NEK11: variants seen among roughly 807,000 people sequenced by gnomAD.
The protein encoded by NEK11 is NIMA related kinase 11, also known as serine/threonine-protein kinase Nek11.
Under a neutral mutation model 80.7 loss-of-function variants are expected in NEK11, and 72 were observed. That is an observed-to-expected ratio of 0.89 (90% CI 0.74 to 1.08). The LOEUF (loss-of-function observed/expected upper bound fraction) is 1.08, where lower values mean the gene tolerates loss of function less well. NEK11 is among the 50% of genes least tolerant of loss of function. NEK11 has a pLI of 0.00. For synonymous variants in NEK11, 251 were observed against 260.7 expected, an observed-to-expected ratio of 0.96 and a Z score of 0.36; for missense variants, 764 against 763.6, an observed-to-expected ratio of 1.00 and a Z score of -0.01.
chr3:131,127,709 C>A (rs2083603137), intron 5 of NEK11, among the ~76,000 whole-genome samples: 1 of 140,796 alleles, frequency 7.1e-6, no homozygotes, highest in Non-Finnish European at 1.6e-5. Flanking sequence ...TGAGTGAATG[C>A]TGAACAATAT....
At chr3:131,116,217 C>A (rs899939610) in intron 5 of NEK11, among the ~76,000 whole-genome samples, 1 of 151,908 alleles carries the variant, frequency 6.6e-6, no homozygotes. Context: ...TGAGTGAGAA[C>A]GTGCAGTGTT....
intron 3 of NEK11, among the ~76,000 whole-genome samples, chr3:131,049,802 T>C (rs2068048367): frequency 1.3e-5 from 2 of 152,298 alleles, no homozygotes; most frequent in African/African-American, 4.8e-5. Context: ...AAAGTAGAGA[T>C]CTTCTGAGGA....
At chr3:131,134,547 C>T (rs1163651009) in intron 7 of NEK11, among the ~76,000 whole-genome samples, 1 of 151,812 alleles carries the variant, frequency 6.6e-6, no homozygotes, top group Admixed American at 6.6e-5. Flanking sequence ...ACTACAGGCT[C>T]CCACCACCAC....
intron 11 of NEK11, 66 bp from the exon 12 acceptor site, chr3:131,165,358 ATC>A: frequency 1.0e-6 from 1 of 964,742 alleles, no homozygotes; most frequent in South Asian, 1.4e-5. Flanking sequence ...GATCACACTC[ATC>A]TGTATAATAT....
At chr3:131,301,691 G>A (rs1302525141) in intron 17 of NEK11, among the ~76,000 whole-genome samples, 1 of 152,104 alleles carries the variant, frequency 6.6e-6, no homozygotes, top group Admixed American at 6.5e-5. Flanking sequence ...ATTGATTTGT[G>A]TATGTTGAAC....
intron 4 of NEK11, among the ~76,000 whole-genome samples, chr3:131,100,297 A>C (rs1270464828): frequency 6.6e-6 from 1 of 152,194 alleles, no homozygotes; most frequent in Admixed American, 6.5e-5. Context: ...CTTGCATCCC[A>C]AAAATAAGGC....
At chr3:131,201,138 C>T (rs1270373865) in intron 14 of NEK11, among the ~76,000 whole-genome samples, 1 of 150,800 alleles carries the variant, frequency 6.6e-6, no homozygotes, top group Non-Finnish European at 1.5e-5. Context: ...ATTTCTTTTA[C>T]ATAACCATTA....
chr3:131,083,770 A>G (rs2075623664), intron 4 of NEK11, among the ~76,000 whole-genome samples: 1 of 152,188 alleles, frequency 6.6e-6, no homozygotes, highest in Admixed American at 6.5e-5. Flanking sequence ...TCAGATTATG[A>G]GTGTAAAACA....
chr3:131,310,312 G>T (rs1478205569), intron 17 of NEK11, among the ~76,000 whole-genome samples: 1 of 152,096 alleles, frequency 6.6e-6, no homozygotes, highest in Non-Finnish European at 1.5e-5. Flanking sequence ...AAGAAAAATG[G>T]GTTCTAGGGA....
chr3:131,298,525 A>G (rs2109114834), intron 17 of NEK11, among the ~76,000 whole-genome samples: 1 of 152,310 alleles, frequency 6.6e-6, no homozygotes, highest in African/African-American at 2.4e-5. Flanking sequence ...TACAAAATCA[A>G]TGTACAAAAA....
chr3:131,286,961 C>T lies in NEK11; in HGVS notation c.1718+13387C>T, dbSNP rs559796106. On this transcript the variant is annotated intron_variant, in intron 17 of 17. Transcript: ENST00000383366. The stretch of plus-strand genomic sequence containing the variant: ...GTGCAACATGAATGCACAAACAGAG[C>T]GGCCAGAAGCACTCTGGGTAGAGTC... 5.6e-4 allele frequency among the ~76,000 whole-genome samples: 86 copies of T among 152,266 alleles called. 1 individual carries two copies. In the South Asian group the frequency reaches 0.015, roughly 26 times the overall value.
chr3:131,069,016 G>A (rs2072626666), intron 3 of NEK11, among the ~76,000 whole-genome samples: 1 of 152,096 alleles, frequency 6.6e-6, no homozygotes, highest in Non-Finnish European at 1.5e-5. Flanking sequence ...TGATGAAATA[G>A]AGATTGAAAT....
At position 131,190,842 on chromosome 3, in the gene NEK11, A is replaced by T. The variant is rs559795952; in HGVS notation, c.1399+19955A>T. Among the ~76,000 whole-genome samples the T allele has an allele frequency of 1.7e-4, 26 of 152,316 alleles. No individual in the cohort carries two copies. The East Asian group carries it at 4.8e-3, about 28-fold the overall frequency. On this transcript the variant is annotated intron_variant, in intron 14 of 17. Transcript: ENST00000383366. The stretch of plus-strand genomic sequence containing the variant: ...TTCAGAACAAAATATAATTATTGTA[A>T]ATATTACAACATTTAACAACATAAA...
At position 131,204,607 on chromosome 3, in the gene NEK11, C is replaced by A. The variant is rs138124680; in HGVS notation, c.1400-23921C>A. On this transcript the variant is annotated intron_variant, in intron 14 of 17. Coordinates refer to ENST00000383366, the MANE Select transcript of NEK11 (RefSeq NM_024800.5). ...TGGGAAAAACACCCACACATTTGGTCACAGGTGTCTTCTGTATTGATTGTT... is the reference window on the plus strand; with the variant it reads ...TGGGAAAAACACCCACACATTTGGTAACAGGTGTCTTCTGTATTGATTGTT... 1.7e-4 allele frequency among the ~76,000 whole-genome samples: 25 copies of A among 151,182 alleles called. No individual in the cohort carries two copies. In the East Asian group the frequency reaches 4.3e-3, roughly 26 times the overall value.
chr3:131,054,933 C>T (rs1012906394), intron 3 of NEK11, among the ~76,000 whole-genome samples: 3 of 152,032 alleles, frequency 2.0e-5, no homozygotes, highest in African/African-American at 7.2e-5. Context: ...GCAGTTTTTT[C>T]ACCCTGCTTT....
chr3:131,253,205 T>A (rs569513915), intron 16 of NEK11, among the ~76,000 whole-genome samples: 37 of 152,148 alleles, frequency 2.4e-4, no homozygotes, highest in Non-Finnish European at 4.9e-4. Flanking sequence ...AGTGCAAGGT[T>A]TTGTGAAAGT....
At chr3:131,280,249 T>A (rs1387084417) in intron 17 of NEK11, among the ~76,000 whole-genome samples, 1 of 152,218 alleles carries the variant, frequency 6.6e-6, no homozygotes, top group East Asian at 1.9e-4. Flanking sequence ...TGCCAATTCA[T>A]GCAGTGAGCA....
chr3:131,336,219 T>C (rs1163215932), intron 17 of NEK11, among the ~76,000 whole-genome samples: 3 of 152,114 alleles, frequency 2.0e-5, no homozygotes, highest in Non-Finnish European at 4.4e-5. Context: ...CTTCAAACTA[T>C]ACTACAAGGT....
rs59841218 is a variant in NEK11 at position 131,044,446 on chromosome 3, T to TGG, written c.170+14578_170+14579dup. Among the ~76,000 whole-genome samples, 287 of 86,796 alleles carry TGG rather than the reference T, an allele frequency of 3.3e-3. 3 individuals are homozygous for TGG. Among genetic ancestry groups the TGG allele is most frequent in the African/African-American group, 0.012 (270 of 22,334 alleles). The allele number at this position is 86,796 out of a possible 152,430, so 56.9% of individuals were successfully genotyped here. ...GCAAAAAAAAAAAAAAAAAAAAAGG[T>TGG]GGGGGGGGGGGTTGGAATCCTAGTC... is the stretch of plus-strand genomic sequence containing the variant. On this transcript the variant is annotated intron_variant, in intron 3 of 17. Transcript: ENST00000383366.
Sources: gnomAD v4.1 joint callset for allele counts (sites outside exome capture counted in the v4.1 genomes callset) on GRCh38, gnomAD v4.1.1 for gene constraint, MANE v1.5 for transcripts, NCBI Gene and HGNC (gene_info 2026-07-23, HGNC 2026-07-21) for gene names.